Variants in UGDH observed in about 807,000 individuals in gnomAD.
UGDH encodes the protein UDP-glucose 6-dehydrogenase, also known as UDP-Glc dehydrogenase.
In UGDH, 38 loss-of-function variants were observed where a neutral mutation model predicts 50.6. The observed-to-expected ratio is 0.75, with a 90% CI of 0.58 to 0.98. The LOEUF (loss-of-function observed/expected upper bound fraction) is 0.98, where lower values mean the gene tolerates loss of function less well. Among genes scored for constraint, UGDH ranks in the 50% least tolerant of loss-of-function variants. The pLI, the probability that UGDH is intolerant of heterozygous loss-of-function variation, is 0.00. For synonymous variants in UGDH, 168 were observed against 199.9 expected (o/e 0.84, Z 1.35); for missense variants, 465 against 606.2 (o/e 0.77, Z 2.45).
chr4:39,521,031 T>C (rs550401443), intron 2 of UGDH, among the ~76,000 whole-genome samples: 16 of 144,622 alleles, frequency 1.1e-4, no homozygotes, highest in South Asian at 6.4e-4. Flanking sequence ...GCTCGCGTCA[T>C]TGCACTCCAG....
In UGDH at chr4:39,503,961, T is replaced by C; in HGVS notation, c.1288A>G (p.Lys430Glu). 2 of 1,614,140 alleles carry C rather than the reference T, an allele frequency of 1.2e-6. No homozygotes were observed. ...FKELDYERIH[K>E]KMLKPAFIFD... The stretch of plus-strand genomic sequence containing the variant: ...ATAAAGGCTGGCTTTAGCATTTTTT[T>C]ATGAATGCGTTCATAATCCAATTCC... The change falls in exon 11 of 12, where the codon AAA (lysine) becomes GAA (glutamate). Residue 430 changes from lysine (K) to glutamate (E), a missense_variant. Transcript: ENST00000316423.
intron 3 of UGDH, among the ~76,000 whole-genome samples, chr4:39,513,783 C>T (rs572408805): frequency 6.6e-6 from 1 of 152,266 alleles, no homozygotes; most frequent in East Asian, 1.9e-4. Context: ...GATCTGCCCA[C>T]CTTGGCCTCC....
intron 1 of UGDH, among the ~76,000 whole-genome samples, chr4:39,523,142 G>A (rs555055923): frequency 3.3e-5 from 5 of 152,008 alleles, no homozygotes; most frequent in African/African-American, 9.6e-5. Context: ...TACAACCTCC[G>A]CCTCCTGGGT....
intron 1 of UGDH, among the ~76,000 whole-genome samples, chr4:39,526,204 T>C (rs1746882532): frequency 6.6e-6 from 1 of 152,146 alleles, no homozygotes. Flanking sequence ...CAGAGAAAAA[T>C]ATTTAATCAG....
Position 39,527,377 on chromosome 4 carries a change from G to T in UGDH, c.-102C>A. 1 of 255,464 alleles carries T rather than the reference G, an allele frequency of 3.9e-6. No individual in the cohort carries two copies. Among genetic ancestry groups the T allele is most frequent in the Non-Finnish European group, 8.0e-6 (1 of 125,506 alleles). The allele number at this position is 255,464 out of a possible 1,614,324, so 15.8% of individuals were successfully genotyped here. ...GCGCCGCCGCAGCTTCTCCACCCGC[G>T]CCCCGCTCGATCTGAGCTCCCTCTC... On this transcript the variant is annotated 5_prime_UTR_variant, in exon 1 of 12. Coordinates refer to ENST00000316423, the MANE Select transcript of UGDH (RefSeq NM_003359.4).
intron 2 of UGDH, among the ~76,000 whole-genome samples, chr4:39,520,346 CAAAT>C (rs1161607037): frequency 1.3e-5 from 2 of 151,846 alleles, no homozygotes; most frequent in South Asian, 2.1e-4. Flanking sequence ...TCTCAAAAAA[CAAAT>C]AAAAAATAAC....
At chr4:39,519,215 C>A (rs1746550066) in intron 2 of UGDH, among the ~76,000 whole-genome samples, 1 of 132,516 alleles carries the variant, frequency 7.5e-6, no homozygotes, top group South Asian at 2.3e-4. Context: ...CTGTGCCTGG[C>A]CGTATTTTTT....
Position 39,508,679 on chromosome 4 carries a change from GA to G in UGDH, c.812-20del. ...CCAAACCCTGCAGAAAGAAAAAAAT[GA>G]ACAATATTTTCATGTAAGAACGAGA... On this transcript the variant is annotated intron_variant, in intron 6 of 11. Coordinates refer to ENST00000316423, the MANE Select transcript of UGDH (RefSeq NM_003359.4). 1 of 1,577,908 alleles carries G rather than the reference GA, an allele frequency of 6.3e-7. No individual in the cohort carries two copies. The highest frequency in any genetic ancestry group is 8.6e-7 in the Non-Finnish European group (1 of 1,168,632).
chr4:39,504,624 C>T, intron 9 of UGDH, 116 bp from the exon 10 acceptor site: 1 of 909,434 alleles, frequency 1.1e-6, no homozygotes. Context: ...ATGTCTGAAA[C>T]TGTGGAGAGT....
intron 1 of UGDH, 73 bp from the exon 2 acceptor site, chr4:39,521,592 T>C: frequency 8.1e-7 from 1 of 1,231,302 alleles, no homozygotes; most frequent in Non-Finnish European, 1.1e-6. Flanking sequence ...GTACATTAAT[T>C]ATACTTTATA....
At chr4:39,503,123 T>G (rs979505062) in intron 11 of UGDH, among the ~76,000 whole-genome samples, 20 of 152,064 alleles carry the variant, frequency 1.3e-4, no homozygotes, top group East Asian at 1.9e-4. Context: ...TACAGTATTG[T>G]CCAGGCTGGT....
chr4:39,512,427 C>T (rs937573341), intron 3 of UGDH, among the ~76,000 whole-genome samples: 13 of 151,978 alleles, frequency 8.6e-5, no homozygotes, highest in African/African-American at 2.7e-4. Flanking sequence ...TAATGGTGTA[C>T]GGAAAGGCAA....
At chr4:39,514,279 A>G in intron 2 of UGDH, 95 bp from the exon 3 acceptor site, 1 of 1,005,628 alleles carries the variant, frequency 9.9e-7, no homozygotes. Context: ...AGGGCATGGT[A>G]ATATTGTAAT....
rs571029473 is a variant in UGDH at position 39,508,236 on chromosome 4, A to G, written c.906+330T>C. Among the ~76,000 whole-genome samples, 11 of 152,286 alleles carry G rather than the reference A, an allele frequency of 7.2e-5. No individual in the cohort carries two copies. In the South Asian group the frequency reaches 2.3e-3, roughly 32 times the overall value. On this transcript the variant is annotated intron_variant, in intron 7 of 11. Transcript: ENST00000316423. ...AACTGCTATTATTATTGCTGTTACT[A>G]TTATTATGTCAGAGACAGGGTCTCA...
At chr4:39,524,145 G>A (rs1422871759) in intron 1 of UGDH, among the ~76,000 whole-genome samples, 1 of 152,050 alleles carries the variant, frequency 6.6e-6, no homozygotes, top group Admixed American at 6.6e-5. Flanking sequence ...GATCTTTTAG[G>A]GTTACCACTT....
chr4:39,512,967 A>G (rs1300889975), intron 3 of UGDH, among the ~76,000 whole-genome samples: 1 of 152,014 alleles, frequency 6.6e-6, no homozygotes, highest in Non-Finnish European at 1.5e-5. Context: ...GACTACAGAC[A>G]TACAGCACCA....
rs1199563470 is a variant in UGDH at position 39,504,405 on chromosome 4, C to T, written c.1263+12G>A. The T allele has an allele frequency of 6.2e-7, 1 of 1,612,776 alleles. No individual in the cohort carries two copies. The highest frequency in any genetic ancestry group is 2.2e-5 in the East Asian group (1 of 44,842). On this transcript the variant is annotated intron_variant, in intron 10 of 11. Transcript: ENST00000316423. Reference sequence around the variant, plus strand: ...TCTAGAATTTTCCTTAGTATCTTTTCTGTTACCTTACCTTAAACATGTCCC... The same window carrying T: ...TCTAGAATTTTCCTTAGTATCTTTTTTGTTACCTTACCTTAAACATGTCCC...
intron 2 of UGDH, among the ~76,000 whole-genome samples, chr4:39,520,733 T>C (rs911716544): frequency 6.6e-6 from 1 of 151,734 alleles, no homozygotes; most frequent in African/African-American, 2.4e-5. Context: ...ATACCACTTT[T>C]TAATTTTATT....
At chr4:39,520,611 G>C (rs1746612221) in intron 2 of UGDH, among the ~76,000 whole-genome samples, 1 of 151,858 alleles carries the variant, frequency 6.6e-6, no homozygotes, top group Admixed American at 6.6e-5. Flanking sequence ...CTCTAAATAT[G>C]AAAGATGCCA....
Sources: gnomAD v4.1 joint callset for allele counts (sites outside exome capture counted in the v4.1 genomes callset) on GRCh38, gnomAD v4.1.1 for gene constraint, MANE v1.5 for transcripts, NCBI Gene and HGNC (gene_info 2026-07-23, HGNC 2026-07-21) for gene names.